Variants in CCDC171 observed in about 807,000 individuals in gnomAD.
The protein encoded by CCDC171 is coiled-coil domain-containing protein 171.
Under a neutral mutation model 168.2 loss-of-function variants are expected in CCDC171, and 177 were observed. That is an observed-to-expected ratio of 1.05 (90% CI 0.93 to 1.19). CCDC171 has a LOEUF of 1.19. Ranked by LOEUF, CCDC171 falls within the 50% of genes most tolerant of loss-of-function variation. The pLI, the probability that CCDC171 is intolerant of heterozygous loss-of-function variation, is 0.00. For synonymous variants in CCDC171, 687 were observed against 540.8 expected (o/e 1.27, Z -3.75); for missense variants, 1,991 against 1,539.0 (o/e 1.29, Z -4.91).
At chr9:16,026,376 G>C (rs1424935921) in intron 6 of CCDC171, among the ~76,000 whole-genome samples, 4 of 152,108 alleles carry the variant, frequency 2.6e-5, no homozygotes, top group Non-Finnish European at 5.9e-5. Context: ...CCCCTCCCTG[G>C]AGTCCCTGGA....
intron 24 of CCDC171, chr9:15,882,996 T>TGCCTGCCTGCCTGCTTG (rs1428967904): frequency 1.5e-4 from 1 of 6,532 alleles, no homozygotes; most frequent in African/African-American, 7.6e-4. Flanking sequence ...CTGCCTGCCT[T>TGCCTGCCTGCCTGCTTG]CCTTCCTTCC....
At chr9:15,601,180 C>T (rs910296752) in intron 6 of CCDC171, among the ~76,000 whole-genome samples, 8 of 152,140 alleles carry the variant, frequency 5.3e-5, no homozygotes, top group South Asian at 2.1e-4. Flanking sequence ...GAGATGAACC[C>T]GGTACCTGAG....
intron 7 of CCDC171, among the ~76,000 whole-genome samples, chr9:15,655,463 G>A (rs1167721710): frequency 6.6e-6 from 1 of 152,090 alleles, no homozygotes; most frequent in East Asian, 1.9e-4. Flanking sequence ...TACTTCCCAG[G>A]GGTGCATTTT....
intron 3 of CCDC171, among the ~76,000 whole-genome samples, chr9:15,991,542 A>G (rs571298961): frequency 5.7e-4 from 87 of 152,050 alleles, no homozygotes; most frequent in African/African-American, 2.0e-3. Context: ...GAGCAAACAC[A>G]TTCAAAAGCT....
At chr9:15,588,481 C>T (rs889623235) in intron 4 of CCDC171, 4 of 299,644 alleles carry the variant, frequency 1.3e-5, no homozygotes, top group African/African-American at 4.6e-5. Context: ...GCCTTCTTTG[C>T]CCCTGCAAAG....
chr9:15,943,277 A>G (rs1466394699), intron 25 of CCDC171, among the ~76,000 whole-genome samples: 1 of 151,992 alleles, frequency 6.6e-6, no homozygotes, highest in African/African-American at 2.4e-5. Flanking sequence ...AGGAAATGTC[A>G]AAAGACTTTT....
intron 11 of CCDC171, among the ~76,000 whole-genome samples, chr9:15,708,866 G>A (rs1421651142): frequency 6.6e-6 from 1 of 152,138 alleles, no homozygotes; most frequent in Non-Finnish European, 1.5e-5. Flanking sequence ...CTTAGAGGGA[G>A]TTTTATCACC....
chr9:15,624,585 A>G (rs2044878638), intron 7 of CCDC171, among the ~76,000 whole-genome samples: 1 of 152,056 alleles, frequency 6.6e-6, no homozygotes, highest in African/African-American at 2.4e-5. Flanking sequence ...TCCTTGCAAT[A>G]GTTTGCTCAG....
At chr9:15,896,237 C>T (rs1266738096) in intron 24 of CCDC171, among the ~76,000 whole-genome samples, 3 of 151,918 alleles carry the variant, frequency 2.0e-5, no homozygotes, top group Non-Finnish European at 4.4e-5. Flanking sequence ...ATTTTTGGCA[C>T]ATTTAAGTTG....
intron 21 of CCDC171, among the ~76,000 whole-genome samples, chr9:15,843,682 C>G (rs1020267089): frequency 2.0e-5 from 3 of 152,064 alleles, no homozygotes; most frequent in African/African-American, 7.2e-5. Flanking sequence ...CTTGTCTTCA[C>G]TTATATATGA....
At chr9:15,681,658 C>T (rs954909216) in intron 10 of CCDC171, among the ~76,000 whole-genome samples, 1 of 151,644 alleles carries the variant, frequency 6.6e-6, no homozygotes, top group Non-Finnish European at 1.5e-5. Flanking sequence ...ATTGACTTTT[C>T]TCGGTAGATT....
intron 2 of CCDC171, among the ~76,000 whole-genome samples, chr9:15,569,846 C>CAAAACAAA (rs1563957637): frequency 0.017 from 2,399 of 139,794 alleles, 74 homozygotes; most frequent in African/African-American, 0.062. Context: ...AACAAACAAA[C>CAAAACAAA]AAAAAAAAAA....
chr9:15,612,771 C>T (rs1225178246), intron 6 of CCDC171, among the ~76,000 whole-genome samples: 18 of 152,086 alleles, frequency 1.2e-4, no homozygotes, highest in Non-Finnish European at 5.9e-5. Flanking sequence ...TTGCAATTTC[C>T]TGATACTTTG....
At chr9:16,083,790 A>T in the CCDC171 span, among the ~76,000 whole-genome samples, 1 of 152,206 alleles carries the variant, frequency 6.6e-6, no homozygotes, top group Non-Finnish European at 1.5e-5. Flanking sequence ...TTCTGCATCT[A>T]AGAGATATTA....
At chr9:16,095,932 G>T in the CCDC171 span, among the ~76,000 whole-genome samples, 1 of 143,316 alleles carries the variant, frequency 7.0e-6, no homozygotes, top group Non-Finnish European at 1.5e-5. Context: ...TGATATAGGG[G>T]TATGTCTATA....
chr9:15,930,429 T>C (rs1826374539), intron 25 of CCDC171, among the ~76,000 whole-genome samples: 1 of 151,602 alleles, frequency 6.6e-6, no homozygotes. Flanking sequence ...CACAGAATTA[T>C]TTGTGACAAA....
At chr9:15,990,622 C>G (rs1832158957) in intron 3 of CCDC171, among the ~76,000 whole-genome samples, 2 of 152,160 alleles carry the variant, frequency 1.3e-5, no homozygotes, top group African/African-American at 4.8e-5. Context: ...TTAAAAGACA[C>G]AGACTGGCAA....
chr9:16,025,850 T>A (rs1652218738), intron 6 of CCDC171, among the ~76,000 whole-genome samples: 1 of 152,212 alleles, frequency 6.6e-6, no homozygotes, highest in Non-Finnish European at 1.5e-5. Flanking sequence ...TGATGAAATG[T>A]TCTGGAACTA....
At chr9:16,093,568 A>G in the CCDC171 span, among the ~76,000 whole-genome samples, 1 of 152,260 alleles carries the variant, frequency 6.6e-6, no homozygotes. Flanking sequence ...GGAGAAAAGA[A>G]TAGTAATTTA....
Sources: gnomAD v4.1 joint callset for allele counts (sites outside exome capture counted in the v4.1 genomes callset) on GRCh38, gnomAD v4.1.1 for gene constraint, MANE v1.5 for transcripts, NCBI Gene and HGNC (gene_info 2026-07-23, HGNC 2026-07-21) for gene names.